Variants in PILRA observed in about 807,000 individuals in gnomAD.
PILRA encodes the protein paired immunoglobulin-like type 2 receptor alpha.
Under a neutral mutation model 33.1 loss-of-function variants are expected in PILRA, and 37 were observed. That is an observed-to-expected ratio of 1.12 (90% confidence interval 0.86 to 1.47). The LOEUF is 1.47. Among genes scored for constraint, PILRA ranks in the 40% most tolerant of loss-of-function variants. PILRA has a pLI of 0.00. For missense variants in PILRA, 312 were observed against 376.2 expected (o/e 0.83, Z 1.41); for synonymous variants, 146 against 149.9 (o/e 0.97, Z 0.19).
At position 100,400,051 on chromosome 7, in the gene PILRA, C is replaced by A; in HGVS notation, c.*144C>A. The A allele has an allele frequency of 3.1e-6, 2 of 653,852 alleles. No individual in the cohort carries two copies. The highest frequency in any genetic ancestry group is 4.7e-6 in the Non-Finnish European group (2 of 423,358). 40.5% of individuals were successfully genotyped at this position (653,852 alleles called of 1,614,324 possible). ...CTTTGATAATGGAGCGAGATGCCAT[C>A]TCTAGTTAAAAATATATATTAACAA... On this transcript the variant is annotated 3_prime_UTR_variant, in exon 7 of 7. Transcript: ENST00000198536.
chr7:100,383,668 G>A (rs1223388065), intron 2 of PILRA, among the ~76,000 whole-genome samples: 1 of 149,976 alleles, frequency 6.7e-6, no homozygotes, highest in Non-Finnish European at 1.5e-5. Context: ...ATGGAGTCTC[G>A]CTCTGTCGCC....
At chr7:100,377,357 C>T (rs1790978064) in intron 2 of PILRA, among the ~76,000 whole-genome samples, 2 of 150,248 alleles carry the variant, frequency 1.3e-5, no homozygotes, top group Non-Finnish European at 3.0e-5. Context: ...TCTCCTGCCT[C>T]AGCCTCCCGA....
rs562700069 is a variant in PILRA, at chr7:100,399,729, G to T, written c.790-56G>T. On this transcript the variant is annotated intron_variant, in intron 6 of 6. Transcript: ENST00000198536. ...AGTCAAACTGTAGGCTTGCCGCTAA[G>T]ATGGGAACAGCTCCGTCTCCACTGT... 12 of 1,612,380 alleles carry T rather than the reference G, an allele frequency of 7.4e-6. No individual in the cohort carries two copies. In the Admixed American group the frequency reaches 1.7e-4, roughly 22 times the overall value.
chr7:100,384,948 G>T (rs1791223680), intron 2 of PILRA, among the ~76,000 whole-genome samples: 1 of 152,130 alleles, frequency 6.6e-6, no homozygotes, highest in Non-Finnish European at 1.5e-5. Context: ...TGAGGCAGGA[G>T]AACCAAGGGA....
At chr7:100,382,260 G>C (rs1020251936) in intron 2 of PILRA, among the ~76,000 whole-genome samples, 4 of 152,172 alleles carry the variant, frequency 2.6e-5, no homozygotes, top group Admixed American at 6.5e-5. Context: ...ACACCAATCA[G>C]CACTCTGTAT....
At chr7:100,372,742 GAGGCCCAGAGATTCCACCCTTCAGCC>G (rs907980590), upstream of PILRA, among the ~76,000 whole-genome samples, 5 of 152,200 alleles carry the variant, frequency 3.3e-5, no homozygotes, top group Non-Finnish European at 5.9e-5. Context: ...CTCAGAAGTT[GAGGCCCAGAGATTCCACCCTTCAGCC>G]AGGCCCAGAC....
chr7:100,375,033 A>G (rs572912751), intron 2 of PILRA, among the ~76,000 whole-genome samples: 1 of 151,602 alleles, frequency 6.6e-6, no homozygotes, highest in East Asian at 2.0e-4. Flanking sequence ...CTCCTCCCTG[A>G]CCTGTCTCGC....
intron 3 of PILRA, among the ~76,000 whole-genome samples, chr7:100,392,196 C>T (rs1241456947): frequency 6.6e-6 from 1 of 152,174 alleles, no homozygotes; most frequent in African/African-American, 2.4e-5. Context: ...GTAGTTCCAA[C>T]TACTGGAGAG....
intron 3 of PILRA, among the ~76,000 whole-genome samples, chr7:100,395,094 A>G (rs910594540): frequency 2.0e-5 from 3 of 152,242 alleles, no homozygotes; most frequent in African/African-American, 7.2e-5. Flanking sequence ...TCTGAAATAT[A>G]TAAAAATTCC....
chr7:100,399,522 T>C (rs1791601981), intron 5 of PILRA, 59 bp from the exon 6 acceptor site: 1 of 1,599,154 alleles, frequency 6.3e-7, no homozygotes, highest in South Asian at 1.1e-5. Flanking sequence ...CCCCTGCCCA[T>C]CTCTCTCCCC....
At chr7:100,387,527 G>T (rs1335706896) in intron 2 of PILRA, among the ~76,000 whole-genome samples, 1 of 152,078 alleles carries the variant, frequency 6.6e-6, no homozygotes, top group Non-Finnish European at 1.5e-5. Context: ...AGGTATACTA[G>T]TTCTTAAATC....
chr7:100,388,749 C>CAAAA (rs913179599), intron 2 of PILRA, among the ~76,000 whole-genome samples: 4 of 12,854 alleles, frequency 3.1e-4, no homozygotes, highest in African/African-American at 5.9e-4. Flanking sequence ...GCCTCCGTCT[C>CAAAA]AAAAAAAAAA....
chr7:100,387,669 C>G (rs1049018386), intron 2 of PILRA, among the ~76,000 whole-genome samples: 10 of 152,138 alleles, frequency 6.6e-5, no homozygotes, highest in Non-Finnish European at 1.3e-4. Context: ...TTGCGCACCC[C>G]AGCTTGGGCA....
intron 2 of PILRA, among the ~76,000 whole-genome samples, chr7:100,378,943 A>G (rs1791015123): frequency 6.6e-6 from 1 of 151,820 alleles, no homozygotes; most frequent in Non-Finnish European, 1.5e-5. Context: ...GTACAAAAAA[A>G]TTAGCTGGTT....
Position 100,396,686 on chromosome 7 carries a change from A to G in PILRA, c.674-1193A>G, listed in dbSNP as rs117606323. Among the ~76,000 whole-genome samples the G allele has an allele frequency of 4.0e-3, 602 of 152,228 alleles. 1 individual carries two copies. Among genetic ancestry groups the G allele is most frequent in the Non-Finnish European group, 7.7e-3 (525 of 68,006 alleles). On this transcript the variant is annotated intron_variant, in intron 3 of 6. Coordinates refer to ENST00000198536, the MANE Select transcript of PILRA (RefSeq NM_013439.3). ...AAGAAAAAAAGAAATTCTGACACAT[A>G]CTACAGTATAAACGAAACTGGAAGA...
chr7:100,389,950 A>G lies in PILRA; in HGVS notation c.517A>G (p.Thr173Ala), dbSNP rs1584224118. The G allele has an allele frequency of 6.2e-7, 1 of 1,613,734 alleles. No individual in the cohort carries two copies. ...TACCACCTGGAGGCTCAGTAGCACA[A>G]CCACCACAACCGGCCTCAGGGTCAC... ...MTTTWRLSSTTTTTGLRVTQG... is the reference protein window; with the variant it reads ...MTTTWRLSSTATTTGLRVTQG... Residue 173 changes from threonine to alanine, a missense_variant, in exon 3 of 7, where the codon ACC becomes GCC. By Grantham distance (58) the Thr-to-Ala change is moderately conservative. Coordinates refer to ENST00000198536, the MANE Select transcript of PILRA (RefSeq NM_013439.3).
chr7:100,375,730 TCAAACAAACAAA>T (rs56841488), intron 2 of PILRA, among the ~76,000 whole-genome samples: 8 of 151,746 alleles, frequency 5.3e-5, no homozygotes, highest in East Asian at 1.9e-4. Context: ...AGACTCCGCC[TCAAACAAACAAA>T]CAAACAAACA....
chr7:100,388,885 G>A (rs1791315832), intron 2 of PILRA, among the ~76,000 whole-genome samples: 1 of 152,050 alleles, frequency 6.6e-6, no homozygotes. Context: ...ACAGGAATGA[G>A]GAGTTGTTTA....
intron 3 of PILRA, among the ~76,000 whole-genome samples, chr7:100,395,115 C>A (rs1791468695): frequency 1.3e-5 from 2 of 152,024 alleles, no homozygotes; most frequent in Non-Finnish European, 2.9e-5. Context: ...TATAATTCAA[C>A]AACAAAAAAA....
Sources: gnomAD v4.1 joint callset for allele counts (sites outside exome capture counted in the v4.1 genomes callset) on GRCh38, gnomAD v4.1.1 for gene constraint, MANE v1.5 for transcripts, NCBI Gene and HGNC (gene_info 2026-07-23, HGNC 2026-07-21) for gene names.